Variants in PLOD1 observed in about 807,000 individuals in gnomAD.
The protein encoded by PLOD1 is lysine hydroxylase.
PLOD1 carries 70 observed loss-of-function variants against 94.7 expected under a neutral mutation model. That is an observed-to-expected ratio of 0.74 (90% CI 0.61 to 0.90). The LOEUF is 0.90. PLOD1 is among the 40% of genes least tolerant of loss of function. The pLI is 0.00. For synonymous variants in PLOD1, 417 were observed against 400.2 expected (o/e 1.04, Z -0.50); for missense variants, 905 against 972.7 (o/e 0.93, Z 0.93).
chr1:11,935,622 G>C (rs951802504), intron 1 of PLOD1, among the ~76,000 whole-genome samples: 1 of 147,772 alleles, frequency 6.8e-6, no homozygotes, highest in African/African-American at 2.5e-5. Context: ...CCAGGTAAAA[G>C]CAATTCTTTT....
chr1:11,974,696 C>T lies in PLOD1; in HGVS notation c.2072C>T (p.Ala691Val), dbSNP rs777096767. 28 of 1,613,810 alleles carry T rather than the reference C, an allele frequency of 1.7e-5. No individual in the cohort carries two copies. In the South Asian group the frequency reaches 2.5e-4, roughly 15 times the overall value. ...CTGCGCTACAACTGTTCCATCCGAG[C>T]CCCAAGGAAGGGCTGGACCCTCATG... ...RFLRYNCSIR[A>V]PRKGWTLMHP... The change falls in exon 19 of 19, where the codon GCC becomes GTC. Residue 691 changes from alanine to valine, a missense_variant. By Grantham distance (64) the Ala-to-Val change is moderately conservative. Coordinates refer to ENST00000196061, the MANE Select transcript of PLOD1 (RefSeq NM_000302.4).
intron 1 of PLOD1, among the ~76,000 whole-genome samples, chr1:11,943,909 A>G (rs1645631785): frequency 6.6e-6 from 1 of 152,090 alleles, no homozygotes; most frequent in African/African-American, 2.4e-5. Context: ...TCCTAACTGG[A>G]AAGTCGGGGG....
rs1645897953 is a variant in PLOD1, at chr1:11,975,536, C to T, written c.*728C>T. 6.5e-6 allele frequency: 1 copy of T among 153,120 alleles called. No individual in the cohort carries two copies. The highest frequency in any genetic ancestry group is 6.5e-5 in the Admixed American group (1 of 15,496). The allele number at this position is 153,120 out of a possible 1,614,324, so 9.5% of individuals were successfully genotyped here. On this transcript the variant is annotated 3_prime_UTR_variant, in exon 19 of 19. Coordinates refer to ENST00000196061, the MANE Select transcript of PLOD1 (RefSeq NM_000302.4). ...AGTTTCTATTAAAGGTCATTTAAAC[C>T]ACTGAAGGGAAGATGCTCAGGGCGA...
At position 11,956,963 on chromosome 1, in the gene PLOD1, C is replaced by CCTGGCCTACCT. The variant is rs1645742385; in HGVS notation, c.698_699insCCTCTGGCCTA (p.Asp234LeufsTer10). On this transcript the variant is annotated frameshift_variant, in exon 7 of 19. Transcript: ENST00000196061. LOFTEE classifies it high-confidence loss of function. ...AAATGGGCCATGTGAGAGCGAGGAA[C>CCTGGCCTACCT]CTGGCCTATGACACCCTCCCGGTCC... 3 of 1,613,844 alleles carry CCTGGCCTACCT rather than the reference C, an allele frequency of 1.9e-6. No homozygotes were observed. Among genetic ancestry groups the CCTGGCCTACCT allele is most frequent in the Admixed American group, 1.7e-5 (1 of 59,986 alleles).
chr1:11,952,309 C>G (rs1047043275), intron 4 of PLOD1, among the ~76,000 whole-genome samples: 2 of 152,240 alleles, frequency 1.3e-5, no homozygotes, highest in African/African-American at 4.8e-5. Context: ...CCCAGCCCTG[C>G]TCTCCAGGGG....
chr1:11,950,609 G>A (rs1645694406), intron 4 of PLOD1, 89 bp downstream of exon 4: 1 of 1,221,142 alleles, frequency 8.2e-7, no homozygotes, highest in Non-Finnish European at 1.2e-6. Context: ...CGTGCAATCT[G>A]GGTGTCTCAC....
intron 5 of PLOD1, chr1:11,954,518 G>C (rs977142899): frequency 7.8e-6 from 5 of 641,604 alleles, no homozygotes; most frequent in Non-Finnish European, 1.5e-5. Context: ...AGCTATGTGC[G>C]TGTAGTGGAG....
At chr1:11,966,182 G>A (rs1645815999) in intron 14 of PLOD1, 69 bp from the exon 15 acceptor site, 1 of 1,157,034 alleles carries the variant, frequency 8.6e-7, no homozygotes, top group Non-Finnish European at 1.3e-6. Flanking sequence ...ACTTTGAGGG[G>A]TCTGCTCTGA....
Position 11,958,174 on chromosome 1 carries a change from C to G in PLOD1, c.843+231C>G, listed in dbSNP as rs1569707172. Among the ~76,000 whole-genome samples the G allele has an allele frequency of 6.6e-6, 1 of 152,080 alleles. No individual in the cohort carries two copies. Among genetic ancestry groups the G allele is most frequent in the Admixed American group, 6.6e-5 (1 of 15,258 alleles). On this transcript the variant is annotated intron_variant, in intron 8 of 18. Coordinates refer to ENST00000196061, the MANE Select transcript of PLOD1 (RefSeq NM_000302.4). The surrounding 1 kb of genome is among the most constrained non-coding windows in gnomAD (Gnocchi z 4.3). ...ATGTCCAGGTTCTGGTTTCTTCTGCCTGGTCCTTCAGGCTCTCCTGCAGCC... is the reference window on the plus strand; with the variant it reads ...ATGTCCAGGTTCTGGTTTCTTCTGCGTGGTCCTTCAGGCTCTCCTGCAGCC...
At chr1:11,944,560 G>T (rs1422276329) in intron 1 of PLOD1, 3 of 1,354,566 alleles carry the variant, frequency 2.2e-6, no homozygotes, top group African/African-American at 1.5e-5. Context: ...TGGTGGCTCT[G>T]GTTCTCTTCA....
At chr1:11,944,522 C>T in intron 1 of PLOD1, 1 of 1,341,160 alleles carries the variant, frequency 7.5e-7, no homozygotes, top group Non-Finnish European at 9.9e-7. Flanking sequence ...TCCCCAGCAG[C>T]CCCCTGTTGC....
chr1:11,968,553 G>A (rs559840575), intron 16 of PLOD1, among the ~76,000 whole-genome samples: 4 of 144,940 alleles, frequency 2.8e-5, no homozygotes, highest in Admixed American at 7.0e-5. Flanking sequence ...TCGCTGTGTC[G>A]CCCAGGCTGG....
In PLOD1 at chr1:11,952,645, C is replaced by T; in HGVS notation, c.489C>T (p.Asn163=). 1 of 1,614,090 alleles carries T rather than the reference C, an allele frequency of 6.2e-7. No homozygotes were observed. Among genetic ancestry groups the T allele is most frequent in the Non-Finnish European group, 8.5e-7 (1 of 1,179,926 alleles). The change falls in exon 5 of 19, where the codon AAC becomes AAT. Residue 163 remains asparagine, a synonymous_variant. Transcript: ENST00000196061. ...CAGGCTTCATCGGTTATGCCCCCAA[C>T]CTCAGCAAACTGGTGGCCGAGTGGG... The part of the protein sequence containing the change: ...GSGGFIGYAP[N]LSKLVAEWEG...
Position 11,965,463 on chromosome 1 carries a change from G to C in PLOD1, c.1471-17G>C. On this transcript the variant is annotated splice_polypyrimidine_tract_variant and intron_variant, in intron 13 of 18. Transcript: ENST00000196061. ...GGGGTGGGGGAGCGCCTCTTCCACC[G>C]GGCCTGTCCTCCCCAGGATGTGTTC... 1.3e-6 allele frequency: 2 copies of C among 1,517,306 alleles called. No homozygotes were observed. Among genetic ancestry groups the C allele is most frequent in the Non-Finnish European group, 1.8e-6 (2 of 1,092,716 alleles). The allele number at this position is 1,517,306 out of a possible 1,614,324, so 94.0% of individuals were successfully genotyped here. A position where few individuals can be genotyped will look rare whatever the true frequency, so the allele number is the denominator to read the frequency against.
intron 6 of PLOD1, 24 bp downstream of exon 6, chr1:11,954,917 G>T (rs201874186): frequency 4.3e-5 from 68 of 1,581,014 alleles, no homozygotes; most frequent in Non-Finnish European, 5.3e-5. Context: ...ACGGGGAGGG[G>T]TGGATCCTCA....
intron 4 of PLOD1, 102 bp from the exon 5 acceptor site, chr1:11,952,521 A>G (rs922798745): frequency 1.7e-5 from 14 of 825,536 alleles, no homozygotes; most frequent in Non-Finnish European, 2.8e-5. Flanking sequence ...GTTTGTGGGC[A>G]TATGAGTGGA....
intron 17 of PLOD1, among the ~76,000 whole-genome samples, chr1:11,971,199 A>G (rs1281425669): frequency 1.4e-5 from 1 of 70,846 alleles, no homozygotes; most frequent in African/African-American, 5.7e-5. Flanking sequence ...GGGCAGGGGG[A>G]TGGGGTGGGA....
At position 11,958,388 on chromosome 1, in the gene PLOD1, C is replaced by A; in HGVS notation, c.844-128C>A. ...ACCCCCTGACTGGAGTTCCCCGGCC[C>A]GGGCACCTTTCTTGGGAAGTCTACA... On this transcript the variant is annotated intron_variant, in intron 8 of 18. Coordinates refer to ENST00000196061, the MANE Select transcript of PLOD1 (RefSeq NM_000302.4). The surrounding 1 kb of genome is among the most constrained non-coding windows in gnomAD (Gnocchi z 4.3). 1 of 1,099,732 alleles carries A rather than the reference C, an allele frequency of 9.1e-7. No individual in the cohort carries two copies. Among genetic ancestry groups the A allele is most frequent in the Non-Finnish European group, 1.3e-6 (1 of 748,504 alleles). The allele number at this position is 1,099,732 out of a possible 1,614,324, so 68.1% of individuals were successfully genotyped here. A position where few individuals can be genotyped will look rare whatever the true frequency, so the allele number is the denominator to read the frequency against.
Position 11,954,901 on chromosome 1 carries a change from GC to G in PLOD1, c.643+13del. 2 of 1,606,734 alleles carry G rather than the reference GC, an allele frequency of 1.2e-6. No homozygotes were observed. Among genetic ancestry groups the G allele is most frequent in the Non-Finnish European group, 1.7e-6 (2 of 1,173,314 alleles). ...ACCTGGATGGAGCCTTGGGTGAGCA[GC>G]CCCCACGGGGAGGGGTGGATCCTCA... On this transcript the variant is annotated intron_variant, in intron 6 of 18. Transcript: ENST00000196061.
Sources: gnomAD v4.1 joint callset for allele counts (sites outside exome capture counted in the v4.1 genomes callset) on GRCh38, gnomAD v4.1.1 for gene constraint, Gnocchi (gnomAD v3.1) non-coding constraint, MANE v1.5 for transcripts, NCBI Gene and HGNC (gene_info 2026-07-23, HGNC 2026-07-21) for gene names.